The following DTNA variants were observed in gnomAD, a reference collection of about 807,000 sequenced individuals.
DTNA encodes dystrobrevin alpha.
Under a neutral mutation model 100.7 loss-of-function variants are expected in DTNA, and 43 were observed. The ratio of observed to expected loss-of-function variants is 0.43; its 90% confidence interval spans 0.33 to 0.55. The LOEUF (loss-of-function observed/expected upper bound fraction) is 0.55. Ranked by LOEUF, DTNA falls within the 20% of genes least tolerant of loss-of-function variation. The pLI is 0.04. For synonymous variants in DTNA, 349 were observed against 347.9 expected (o/e 1.00, Z -0.04); for missense variants, 798 against 953.9 (o/e 0.84, Z 2.15).
At chr18:34,711,717 T>G (rs919250278) in intron 1 of DTNA, among the ~76,000 whole-genome samples, 2 of 152,186 alleles carry the variant, frequency 1.3e-5, no homozygotes, top group Non-Finnish European at 2.9e-5. Flanking sequence ...TCTGTGATTT[T>G]CGTCGCTATT....
chr18:34,632,028 C>A (rs1406470027), intron 1 of DTNA, among the ~76,000 whole-genome samples: 1 of 152,120 alleles, frequency 6.6e-6, no homozygotes, highest in Admixed American at 6.6e-5. Context: ...TGTCTCATAA[C>A]ATTTTCAATT....
At chr18:34,620,990 C>G (rs2056387651) in intron 1 of DTNA, among the ~76,000 whole-genome samples, 1 of 151,546 alleles carries the variant, frequency 6.6e-6, no homozygotes, top group Non-Finnish European at 1.5e-5. Context: ...TTAAAAAAAC[C>G]CAGCTATTTA....
At chr18:34,683,528 G>T (rs1271882752) in intron 1 of DTNA, 1 of 152,072 alleles carries the variant, frequency 6.6e-6, no homozygotes, top group African/African-American at 2.4e-5. Flanking sequence ...ACTGTGGTTG[G>T]ACTCTGAAGG....
chr18:34,752,961 G>C (rs2092445115), intron 1 of DTNA, among the ~76,000 whole-genome samples: 1 of 152,164 alleles, frequency 6.6e-6, no homozygotes, highest in Admixed American at 6.5e-5. Context: ...TCTGAAACTA[G>C]TACAATTTGA....
intron 1 of DTNA, among the ~76,000 whole-genome samples, chr18:34,557,111 A>G (rs569827497): frequency 3.3e-5 from 5 of 150,234 alleles, no homozygotes; most frequent in South Asian, 4.2e-4. Flanking sequence ...GCTTCATTTC[A>G]TTCATTTCAT....
At chr18:34,816,100 G>T in intron 7 of DTNA, 86 bp downstream of exon 7, 1 of 1,366,386 alleles carries the variant, frequency 7.3e-7, no homozygotes, top group Non-Finnish European at 1.0e-6. Flanking sequence ...CCAGGCTGTT[G>T]TTTTAGGGAA....
At chr18:34,545,568 G>T (rs2044692417) in intron 1 of DTNA, among the ~76,000 whole-genome samples, 1 of 151,954 alleles carries the variant, frequency 6.6e-6, no homozygotes. Flanking sequence ...TATTTTCATG[G>T]TAGCATGTAA....
At chr18:34,647,137 C>G (rs1450598447) in intron 1 of DTNA, among the ~76,000 whole-genome samples, 1 of 150,634 alleles carries the variant, frequency 6.6e-6, no homozygotes, top group Non-Finnish European at 1.5e-5. Context: ...GAAGCACTCT[C>G]AGGATTCAAA....
chr18:34,582,767 T>C (rs575492143), intron 1 of DTNA, among the ~76,000 whole-genome samples: 28 of 152,128 alleles, frequency 1.8e-4, no homozygotes, highest in Non-Finnish European at 3.7e-4. Flanking sequence ...AGAAATAGGG[T>C]ACAATATTTC....
chr18:34,682,530 GC>G (rs1232611813), intron 1 of DTNA, among the ~76,000 whole-genome samples: 1 of 152,086 alleles, frequency 6.6e-6, no homozygotes, highest in Non-Finnish European at 1.5e-5. Flanking sequence ...ATCCTCTCCA[GC>G]ATTTGATGTC....
chr18:34,749,643 A>AAAAAAAAAAAAAAAT (rs1210485347), intron 1 of DTNA, among the ~76,000 whole-genome samples: 11 of 39,810 alleles, frequency 2.8e-4, no homozygotes, highest in Non-Finnish European at 4.6e-4. Context: ...TCTCTCCAAA[A>AAAAAAAAAAAAAAAT]AATAATAATA....
intron 18 of DTNA, among the ~76,000 whole-genome samples, chr18:34,876,483 T>C (rs1375760161): frequency 6.6e-6 from 1 of 152,060 alleles, no homozygotes; most frequent in African/African-American, 2.4e-5. Context: ...ACAGGTGAAA[T>C]ATACGAATAG....
At chr18:34,721,122 T>C (rs1250766249) in intron 1 of DTNA, among the ~76,000 whole-genome samples, 1 of 152,164 alleles carries the variant, frequency 6.6e-6, no homozygotes, top group Non-Finnish European at 1.5e-5. Flanking sequence ...GCTCAATTAC[T>C]TTCCTAGAGG....
intron 1 of DTNA, among the ~76,000 whole-genome samples, chr18:34,689,088 C>G (rs1436991545): frequency 6.6e-6 from 1 of 152,078 alleles, no homozygotes; most frequent in Non-Finnish European, 1.5e-5. Flanking sequence ...TGGGTTAGAA[C>G]ATGTTCCTTT....
chr18:34,679,828 AAC>A (rs961643383), intron 1 of DTNA, among the ~76,000 whole-genome samples: 3 of 152,104 alleles, frequency 2.0e-5, no homozygotes, highest in African/African-American at 7.2e-5. Flanking sequence ...TATTATCAGA[AAC>A]CATCTGAACT....
chr18:34,818,366 G>C (rs139673882), intron 8 of DTNA, 36 bp downstream of exon 8: 3 of 1,608,932 alleles, frequency 1.9e-6, no homozygotes, highest in Non-Finnish European at 2.5e-6. Flanking sequence ...GGAGTTGGAT[G>C]TGTGAGTGTT....
At chr18:34,555,970 T>G (rs945970889) in intron 1 of DTNA, among the ~76,000 whole-genome samples, 228 of 149,992 alleles carry the variant, frequency 1.5e-3, no homozygotes, top group Non-Finnish European at 2.5e-3. Context: ...GACAGTGGGG[T>G]GTTAAAGTCT....
rs2096853144 is a variant in DTNA at position 34,879,686 on chromosome 18, G to C, written c.2129G>C (p.Ser710Thr). ...GCCCGAAAACCTGGGTACATTCACA[G>C]TGGAGCTACCACAAGTACCATGCGT... The part of the protein sequence containing the change: ...IHARKPGYIH[S>T]GATTSTMRGD... Residue 710 changes from serine (S) to threonine (T), a missense_variant, in exon 20 of 23, where the codon AGT (serine) becomes ACT (threonine). By Grantham distance (58) the Ser-to-Thr change is moderately conservative. Transcript: ENST00000444659. The C allele has an allele frequency of 6.2e-7, 1 of 1,614,104 alleles. No homozygotes were observed.
rs1475660137 is a variant in DTNA at position 34,554,508 on chromosome 18, G to C, written c.-2+60994G>C. On this transcript the variant is annotated intron_variant, in intron 1 of 19. Coordinates refer to the DTNA transcript ENST00000283365. The stretch of plus-strand genomic sequence containing the variant: ...CCCATTTAGTATGATATTGGCTGTG[G>C]GTTTGTCATAGATAGCTCTTATTAT... Among the ~76,000 whole-genome samples the C allele has an allele frequency of 1.6e-4, 24 of 150,698 alleles. No individual in the cohort carries two copies. In the South Asian group the frequency reaches 5.0e-3, roughly 31 times the overall value.
Sources: allele counts gnomAD v4.1 joint callset (sites outside exome capture counted in the v4.1 genomes callset), GRCh38; gene constraint gnomAD v4.1.1; transcripts MANE v1.5; gene names NCBI Gene and HGNC (gene_info 2026-07-23, HGNC 2026-07-21).